ADNP: variants seen among roughly 807,000 people sequenced by gnomAD.
ADNP encodes the protein activity-dependent neuroprotector homeobox protein.
Under a neutral mutation model 84.9 loss-of-function variants are expected in ADNP, and 4 were observed. The observed-to-expected ratio is 0.05, with a 90% CI of 0.02 to 0.11. ADNP has a LOEUF of 0.11. ADNP is among the 10% of genes least tolerant of loss of function. ADNP has a pLI of 1.00. For missense variants in ADNP, 1,132 were observed against 1,326.0 expected, an observed-to-expected ratio of 0.85 and a Z score of 2.27; for synonymous variants, 554 against 468.1, an observed-to-expected ratio of 1.18 and a Z score of -2.37.
intron 4 of ADNP, among the ~76,000 whole-genome samples, chr20:50,902,473 T>C (rs1395599411): frequency 6.6e-6 from 1 of 152,068 alleles, no homozygotes; most frequent in African/African-American, 2.4e-5. Context: ...AATGTTTGCT[T>C]ACAGCACTGC....
At chr20:50,901,198 C>T (rs1981940258) in intron 5 of ADNP, among the ~76,000 whole-genome samples, 1 of 151,964 alleles carries the variant, frequency 6.6e-6, no homozygotes. Context: ...CAAAGCTCAA[C>T]TCTTCTTTAG....
chr20:50,914,021 T>C (rs112000943), intron 2 of ADNP: 15,708 of 752,928 alleles, frequency 0.021, 635 homozygotes, highest in Admixed American at 0.1. Context: ...GGTGCTCAAG[T>C]GAATGCTGTC....
At chr20:50,928,208 A>T (rs1006054987) in intron 2 of ADNP, among the ~76,000 whole-genome samples, 1 of 152,120 alleles carries the variant, frequency 6.6e-6, no homozygotes, top group Non-Finnish European at 1.5e-5. Context: ...TTCTCCATAA[A>T]CTTATCTTGG....
chr20:50,925,968 G>A (rs1455214463), intron 2 of ADNP, among the ~76,000 whole-genome samples: 1 of 152,184 alleles, frequency 6.6e-6, no homozygotes, highest in African/African-American at 2.4e-5. Context: ...AAGCGTTGTG[G>A]CAGGCACCTG....
chr20:50,895,601 G>A (rs1462552405), intron 5 of ADNP, among the ~76,000 whole-genome samples: 1 of 152,168 alleles, frequency 6.6e-6, no homozygotes, highest in Non-Finnish European at 1.5e-5. Flanking sequence ...AGGCTGGAGT[G>A]CAGTGGCACA....
intron 2 of ADNP, among the ~76,000 whole-genome samples, chr20:50,926,756 G>A (rs6020856): frequency 0.51 from 77,424 of 152,040 alleles, 23,641 homozygotes; most frequent in African/African-American, 0.87. Context: ...AATTTATGCA[G>A]TTTTGTTACT....
chr20:50,927,791 A>T (rs1984388479), intron 2 of ADNP, among the ~76,000 whole-genome samples: 1 of 152,234 alleles, frequency 6.6e-6, no homozygotes, highest in Non-Finnish European at 1.5e-5. Flanking sequence ...TTAAGGGAAA[A>T]TGGCTGTTAC....
At chr20:50,927,560 C>CTTTTTTTTTTTT (rs10716858) in intron 2 of ADNP, among the ~76,000 whole-genome samples, 2 of 144,404 alleles carry the variant, frequency 1.4e-5, no homozygotes, top group African/African-American at 2.6e-5. Context: ...AATTGTTTCA[C>CTTTTTTTTTTTT]TTTTTTTTTT....
chr20:50,930,268 G>A (rs915858347), intron 1 of ADNP, among the ~76,000 whole-genome samples: 3 of 152,186 alleles, frequency 2.0e-5, no homozygotes, highest in African/African-American at 4.8e-5. Context: ...CTGTGGTCAG[G>A]ATAAGAGGAA....
At chr20:50,912,435 C>T (rs1983124462) in intron 2 of ADNP, among the ~76,000 whole-genome samples, 1 of 152,164 alleles carries the variant, frequency 6.6e-6, no homozygotes, top group South Asian at 2.1e-4. Context: ...CAGGTGTGAG[C>T]CACTGCGCCT....
intron 2 of ADNP, among the ~76,000 whole-genome samples, chr20:50,909,098 T>C (rs1376057629): frequency 1.3e-5 from 2 of 148,708 alleles, no homozygotes; most frequent in Admixed American, 6.7e-5. Context: ...TTGCCAGCCA[T>C]GGTGGCTCAC....
intron 5 of ADNP, among the ~76,000 whole-genome samples, chr20:50,899,144 G>A (rs758869807): frequency 2.6e-5 from 4 of 151,862 alleles, no homozygotes; most frequent in South Asian, 2.1e-4. Context: ...GGTATATGCA[G>A]GTTCTCCAGG....
At position 50,893,089 on chromosome 20, in the gene ADNP, G is replaced by C; in HGVS notation, c.1625C>G (p.Pro542Arg). ...AAAACTCAAAGTAGAATCTGTTTTA[G>C]GTCCCATCTCTTCATCAATGTGAAC... ...RMVHIDEEMGPKTDSTLSFDL... is the reference protein window; with the variant it reads ...RMVHIDEEMGRKTDSTLSFDL... The change falls in exon 6 of 6, where the codon CCT (proline) becomes CGT (arginine). Residue 542 changes from proline to arginine, a missense_variant. This residue lies in a region of ADNP where 87 missense variants were observed against 181.4 expected (regional missense o/e 0.48). Transcript: ENST00000621696. The surrounding 1 kb of genome is among the most constrained non-coding windows in gnomAD (Gnocchi z 4.4). 2.5e-6 allele frequency: 4 copies of C among 1,614,224 alleles called. No individual in the cohort carries two copies. The highest frequency in any genetic ancestry group is 3.4e-6 in the Non-Finnish European group (4 of 1,180,038).
At chr20:50,930,669 G>C (rs1219074572) in intron 1 of ADNP, among the ~76,000 whole-genome samples, 157 bp downstream of exon 1, 1 of 152,048 alleles carries the variant, frequency 6.6e-6, no homozygotes, top group Non-Finnish European at 1.5e-5. Flanking sequence ...GTCGGCGCCG[G>C]GGTGTGCAAA....
At chr20:50,911,764 A>C (rs781603682) in intron 2 of ADNP, among the ~76,000 whole-genome samples, 10 of 152,182 alleles carry the variant, frequency 6.6e-5, no homozygotes, top group Non-Finnish European at 1.2e-4. Flanking sequence ...AAGAAAGACA[A>C]AACAAACAAA....
Position 50,893,100 on chromosome 20 carries a change from T to C in ADNP, c.1614A>G (p.Glu538=), listed in dbSNP as rs371939011. 6.2e-7 allele frequency: 1 copy of C among 1,614,142 alleles called. No individual in the cohort carries two copies. Among genetic ancestry groups the C allele is most frequent in the Non-Finnish European group, 8.5e-7 (1 of 1,180,058 alleles). Residue 538 remains glutamate (E), a synonymous_variant, in exon 6 of 6, where the codon GAA becomes GAG. Coordinates refer to ENST00000621696, the MANE Select transcript of ADNP (RefSeq NM_001282531.3). This position sits in a 1 kb window ranked among gnomAD's most constrained non-coding sequence, Gnocchi z 4.4. ...TAGAATCTGTTTTAGGTCCCATCTC[T>C]TCATCAATGTGAACCATCCGCATGT... ...AAHMRMVHID[E]EMGPKTDSTL... is the part of the protein sequence containing the mutation.
Position 50,891,869 on chromosome 20 carries a change from T to A in ADNP, c.2845A>T (p.Met949Leu). 1 of 1,614,244 alleles carries A rather than the reference T, an allele frequency of 6.2e-7. No individual in the cohort carries two copies. The highest frequency in any genetic ancestry group is 8.5e-7 in the Non-Finnish European group (1 of 1,180,044). Residue 949 changes from methionine (M) to leucine (L), a missense_variant, in exon 6 of 6, where the codon ATG (methionine) becomes TTG (leucine). Around this residue, in one of 10 missense-constraint regions of ADNP, gnomAD observed 381 missense variants for 319.9 expected, o/e 1.19. Coordinates refer to ENST00000621696, the MANE Select transcript of ADNP (RefSeq NM_001282531.3). ...ACCTCACTATCAGATGCATTGTGCA[T>A]TAGTTTGGTTGGTTCCTCAGTCAAA... ...IHLTEEPTKL[M>L]HNASDSEVDQ...
chr20:50,929,351 A>C (rs1984498649), intron 1 of ADNP, among the ~76,000 whole-genome samples: 1 of 152,246 alleles, frequency 6.6e-6, no homozygotes, highest in Admixed American at 6.5e-5. Flanking sequence ...AAGTAAAAGG[A>C]GAAAACTTCT....
chr20:50,922,088 A>G (rs1366410386), intron 2 of ADNP, among the ~76,000 whole-genome samples: 2 of 152,218 alleles, frequency 1.3e-5, no homozygotes, highest in Non-Finnish European at 2.9e-5. Flanking sequence ...ATTCACAAGT[A>G]GCCCTTAAGG....
Sources: gnomAD v4.1 joint callset for allele counts (sites outside exome capture counted in the v4.1 genomes callset) on GRCh38, gnomAD v4.1.1 for gene constraint, gnomAD v4.1.1 regional missense constraint, Gnocchi (gnomAD v3.1) non-coding constraint, MANE v1.5 for transcripts, NCBI Gene and HGNC (gene_info 2026-07-23, HGNC 2026-07-21) for gene names.